Variants in SYCP2 observed in about 807,000 individuals in gnomAD.
SYCP2 encodes the protein synaptonemal complex lateral element protein.
A neutral mutation model predicts 211.3 loss-of-function variants in SYCP2; 55 were observed. The ratio of observed to expected loss-of-function variants is 0.26; its 90% CI spans 0.21 to 0.33. The LOEUF is 0.33. Among genes scored for constraint, SYCP2 ranks in the 10% least tolerant of loss-of-function variants. The pLI, the probability that SYCP2 is intolerant of heterozygous loss-of-function variation, is 1.00. For synonymous variants in SYCP2, 570 were observed against 555.2 expected (o/e 1.03, Z -0.37); for missense variants, 1,731 against 1,752.0 (o/e 0.99, Z 0.21).
rs370544294 is a variant in SYCP2 at position 59,880,845 on chromosome 20, T to C, written c.2772+121A>G. ...CATAAGAAAATTCATAATAGGAAGG[T>C]GGATAGTTGCATAAATAAAACAATC... On this transcript the variant is annotated intron_variant, in intron 30 of 44. Transcript: ENST00000357552. 467 of 509,250 alleles carry C rather than the reference T, an allele frequency of 9.2e-4. 11 individuals carry two copies. The South Asian group carries it at 0.016, about 18-fold the overall frequency. The allele number at this position is 509,250 out of a possible 1,614,324, so 31.5% of individuals were successfully genotyped here.
chr20:59,917,431 TAC>T (rs1226123533), intron 7 of SYCP2, among the ~76,000 whole-genome samples: 1 of 152,176 alleles, frequency 6.6e-6, no homozygotes, highest in East Asian at 1.9e-4. Context: ...ACAACAAATG[TAC>T]AGTTTTCCAA....
intron 35 of SYCP2, among the ~76,000 whole-genome samples, chr20:59,870,451 T>TA (rs2059429770): frequency 6.6e-6 from 1 of 151,792 alleles, no homozygotes; most frequent in African/African-American, 2.4e-5. Context: ...GTCTTTTTTT[T>TA]AATACAGCAA....
At chr20:59,896,556 G>C (rs770476287) in intron 18 of SYCP2, 28 bp from the exon 19 acceptor site, 1 of 1,171,034 alleles carries the variant, frequency 8.5e-7, no homozygotes, top group Non-Finnish European at 1.3e-6. Context: ...AACAACCACT[G>C]TAAACACAGT....
chr20:59,929,405 AC>A (rs1161627308), intron 2 of SYCP2, among the ~76,000 whole-genome samples: 1 of 152,190 alleles, frequency 6.6e-6, no homozygotes, highest in African/African-American at 2.4e-5. Context: ...TTCTAATTTT[AC>A]ACTTTAGAGA....
intron 18 of SYCP2, among the ~76,000 whole-genome samples, chr20:59,897,088 AATTTATAAGAGGGAC>A (rs2145759719): frequency 6.6e-6 from 1 of 152,216 alleles, no homozygotes; most frequent in South Asian, 2.1e-4. Flanking sequence ...ATCTCACACT[AATTTATAAGAGGGAC>A]AGAAGTAGAT....
intron 2 of SYCP2, among the ~76,000 whole-genome samples, chr20:59,927,304 A>G (rs912825770): frequency 1.3e-5 from 2 of 152,164 alleles, no homozygotes; most frequent in Admixed American, 6.5e-5. Context: ...AAAACAGAAA[A>G]TCTTTACATT....
chr20:59,932,427 G>A (rs927447557), intron 1 of SYCP2, among the ~76,000 whole-genome samples: 21 of 152,134 alleles, frequency 1.4e-4, no homozygotes, highest in African/African-American at 4.8e-4. Flanking sequence ...TGTAATCCCA[G>A]CACTTTGGGA....
In SYCP2 at chr20:59,865,868, AAATT is replaced by A. The variant is rs369980453; in HGVS notation, c.4321-7_4321-4del. 1,811 of 1,318,528 alleles carry A rather than the reference AAATT, an allele frequency of 1.4e-3. 20 individuals are homozygous for A. The South Asian group carries it at 0.017, about 12-fold the overall frequency. 81.7% of individuals were successfully genotyped at this position (1,318,528 alleles called of 1,614,324 possible). A position where few individuals can be genotyped will look rare whatever the true frequency, so the allele number is the denominator to read the frequency against. ...TGAAATATCTTTTCCCAAAAGTCCT[AAATT>A]AATTAATAAAATTTTATTTAGTCCT... On this transcript the variant is annotated splice_region_variant and splice_polypyrimidine_tract_variant and intron_variant, in intron 41 of 44. Transcript: ENST00000357552.
In SYCP2 at chr20:59,892,234, T is replaced by A. The variant is rs145012641; in HGVS notation, c.2120A>T (p.Asn707Ile). ...ATCACTCTGCTTGGCATTTTCAGTA[T>A]TTTTCTGCCCTGAATATTTAGGATG... ...QNHPKYSGQK[N>I]TENAKQSDWP... Residue 707 changes from asparagine (N) to isoleucine (I), a missense_variant, in exon 24 of 45, where the codon AAT becomes ATT. This residue lies in a region of SYCP2 where 1,387 missense variants were observed against 1,351.3 expected (regional missense o/e 1.03). Transcript: ENST00000357552. 6.2e-7 allele frequency: 1 copy of A among 1,612,894 alleles called. No homozygotes were observed. Among genetic ancestry groups the A allele is most frequent in the Admixed American group, 1.7e-5 (1 of 59,878 alleles).
chr20:59,924,746 CCACA>C (rs2060603552), intron 2 of SYCP2, among the ~76,000 whole-genome samples: 1 of 151,828 alleles, frequency 6.6e-6, no homozygotes, highest in Non-Finnish European at 1.5e-5. Flanking sequence ...AAGATAGCTA[CCACA>C]CAAACAAAAG....
At chr20:59,876,058 T>C (rs999756568) in intron 33 of SYCP2, among the ~76,000 whole-genome samples, 22 of 151,876 alleles carry the variant, frequency 1.4e-4, no homozygotes, top group African/African-American at 3.6e-4. Flanking sequence ...TGTGACTATT[T>C]GTATGGTAAA....
chr20:59,886,092 T>A, intron 25 of SYCP2, 128 bp from the exon 26 acceptor site: 1 of 669,640 alleles, frequency 1.5e-6, no homozygotes, highest in South Asian at 2.0e-5. Flanking sequence ...AATGTAACAG[T>A]AATAGTCTGA....
At chr20:59,910,468 C>T (rs1457730894) in intron 14 of SYCP2, among the ~76,000 whole-genome samples, 3 of 147,550 alleles carry the variant, frequency 2.0e-5, no homozygotes, top group Non-Finnish European at 4.5e-5. Context: ...GCAAGCTCCG[C>T]TTCCTGGGTT....
At chr20:59,864,495 A>C in intron 44 of SYCP2, 107 bp from the exon 45 acceptor site, 2 of 722,238 alleles carry the variant, frequency 2.8e-6, no homozygotes, top group South Asian at 1.9e-5. Context: ...GATTCATTTT[A>C]AAACAACTTC....
In SYCP2 at chr20:59,914,212, C is replaced by T. The variant is rs779677647; in HGVS notation, c.674G>A (p.Arg225Lys). The change falls in exon 11 of 45, where the codon AGA becomes AAA. Residue 225 changes from arginine to lysine, a missense_variant. Transcript: ENST00000357552. Reference sequence around the variant, plus strand: ...TTGTCTTTGTTTTTCTGTGGTCATTCTACACAAAGCTTCTACAATGCCTAC... The same window carrying T: ...TTGTCTTTGTTTTTCTGTGGTCATTTTACACAAAGCTTCTACAATGCCTAC... The part of the protein sequence containing the change: ...LQVGIVEALC[R>K]MTTEKQRQEL... 2 of 1,599,726 alleles carry T rather than the reference C, an allele frequency of 1.3e-6. No homozygotes were observed. Among genetic ancestry groups the T allele is most frequent in the East Asian group, 4.5e-5 (2 of 44,638 alleles).
rs1289448248 is a variant in SYCP2, at chr20:59,893,574, C to T, written c.1685G>A (p.Cys562Tyr). ...NIDKHIKTAK[C>Y]VENTENKNVE... ...ATTCTTATTTTCTGTGTTTTCTACA[C>T]ACTTAGCAGTTTTGATATGCTGTAA... Residue 562 changes from cysteine (C) to tyrosine (Y), a missense_variant, in exon 21 of 45, where the codon TGT (cysteine) becomes TAT (tyrosine). Coordinates refer to ENST00000357552, the MANE Select transcript of SYCP2 (RefSeq NM_014258.4). The T allele has an allele frequency of 6.2e-7, 1 of 1,608,966 alleles. No individual in the cohort carries two copies. The highest frequency in any genetic ancestry group is 1.1e-5 in the South Asian group (1 of 90,518).
chr20:59,911,945 G>C, intron 13 of SYCP2, 100 bp from the exon 14 acceptor site: 1 of 481,010 alleles, frequency 2.1e-6, no homozygotes, highest in Non-Finnish European at 3.7e-6. Context: ...AACAAAGCTA[G>C]AAGGAGAGAG....
intron 12 of SYCP2, 137 bp from the exon 13 acceptor site, chr20:59,912,555 C>CT: frequency 2.4e-6 from 1 of 421,344 alleles, no homozygotes. Context: ...ATATTTCCCT[C>CT]TTTAATACTT....
intron 30 of SYCP2, among the ~76,000 whole-genome samples, chr20:59,880,725 A>T (rs527254353): frequency 3.9e-4 from 59 of 151,914 alleles, no homozygotes; most frequent in African/African-American, 1.3e-3. Flanking sequence ...AATCAAAACA[A>T]CTTATTTCCA....
Sources: gnomAD v4.1 joint callset for allele counts (sites outside exome capture counted in the v4.1 genomes callset) on GRCh38, gnomAD v4.1.1 for gene constraint, gnomAD v4.1.1 regional missense constraint, MANE v1.5 for transcripts, NCBI Gene and HGNC (gene_info 2026-07-23, HGNC 2026-07-21) for gene names.